Variants in LMBRD1 observed in about 807,000 individuals in gnomAD.
LMBRD1 encodes LMBR1 domain containing 1.
A neutral mutation model predicts 74.8 loss-of-function variants in LMBRD1; 64 were observed. The observed-to-expected ratio is 0.86, with a 90% CI of 0.70 to 1.05. The LOEUF is 1.05. Among genes scored for constraint, LMBRD1 ranks in the 50% least tolerant of loss-of-function variants. The pLI is 0.00. For missense variants in LMBRD1, 652 were observed against 645.9 expected (o/e 1.01, Z -0.10); for synonymous variants, 204 against 216.3 (o/e 0.94, Z 0.50).
Position 69,699,193 on chromosome 6 carries a change from C to T in LMBRD1, c.1189-1G>A, listed in dbSNP as rs2149843526. On this transcript the variant is annotated splice_acceptor_variant, in intron 12 of 15. Transcript: ENST00000649934. LOFTEE classifies it high-confidence loss of function. Reference sequence around the variant, plus strand: ...TTCTACCTCTTCTGATTTTATATAACTGGAAAGAAAAGAGTGACAAAATTT... The same window carrying T: ...TTCTACCTCTTCTGATTTTATATAATTGGAAAGAAAAGAGTGACAAAATTT... 4 of 1,610,574 alleles carry T rather than the reference C, an allele frequency of 2.5e-6. No homozygotes were observed. The South Asian group carries it at 3.3e-5, about 13-fold the overall frequency.
At position 69,685,692 on chromosome 6, in the gene LMBRD1, T is replaced by C. The variant is rs147057389; in HGVS notation, c.1418-9151A>G. ...GGCACGTGCCTGTAATCCCAGCTACTCAGGAGGCTGAGGCAGGAGAATTGT... is the reference window on the plus strand; with the variant it reads ...GGCACGTGCCTGTAATCCCAGCTACCCAGGAGGCTGAGGCAGGAGAATTGT... On this transcript the variant is annotated intron_variant, in intron 14 of 15. Transcript: ENST00000649934. Among the ~76,000 whole-genome samples, 724 of 152,192 alleles carry C rather than the reference T, an allele frequency of 4.8e-3. 8 individuals carry two copies. The highest frequency in any genetic ancestry group is 0.017 in the Middle Eastern group (5 of 294).
intron 5 of LMBRD1, among the ~76,000 whole-genome samples, chr6:69,747,468 T>G (rs1360174971): frequency 6.6e-6 from 1 of 152,244 alleles, no homozygotes; most frequent in East Asian, 1.9e-4. Context: ...CCAAAGCAGA[T>G]GAAAACATTA....
At chr6:69,796,288 AC>A (rs11368293) in intron 1 of LMBRD1, among the ~76,000 whole-genome samples, 2,398 of 152,250 alleles carry the variant, frequency 0.016, 48 homozygotes, top group African/African-American at 0.054. Context: ...AGAACGAGCA[AC>A]TCACGTCATC....
chr6:69,727,969 T>C (rs1438529595), intron 7 of LMBRD1, among the ~76,000 whole-genome samples: 6 of 152,190 alleles, frequency 3.9e-5, no homozygotes, highest in African/African-American at 1.4e-4. Context: ...TTACCAATTC[T>C]CATTACTCAT....
In LMBRD1 at chr6:69,704,343, T is replaced by C. The variant is rs150821909; in HGVS notation, c.916-2390A>G. On this transcript the variant is annotated intron_variant, in intron 9 of 15. Transcript: ENST00000649934. The stretch of plus-strand genomic sequence containing the variant: ...GGTTTTCTAATTGCTTCTATATTTA[T>C]TTGTTGGAATTCTACTGTAGGGAAG... Among the ~76,000 whole-genome samples, 14 of 152,234 alleles carry C rather than the reference T, an allele frequency of 9.2e-5. No homozygotes were observed. The East Asian group carries it at 2.7e-3, about 29-fold the overall frequency.
Position 69,794,693 on chromosome 6 carries a change from C to T in LMBRD1, c.69+2120G>A, listed in dbSNP as rs180846463. Among the ~76,000 whole-genome samples the T allele has an allele frequency of 6.2e-4, 94 of 152,346 alleles. 1 individual carries two copies. Among genetic ancestry groups the T allele is most frequent in the Admixed American group, 5.6e-3 (86 of 15,300 alleles). The stretch of plus-strand genomic sequence containing the variant: ...ACATCCACAAGTATGAGCTTGACAA[C>T]TCTTCAATACTTAGAATTTTCAGAG... On this transcript the variant is annotated intron_variant, in intron 1 of 15. Transcript: ENST00000649934.
chr6:69,738,338 A>G (rs964307717), intron 6 of LMBRD1, among the ~76,000 whole-genome samples: 2 of 152,192 alleles, frequency 1.3e-5, no homozygotes, highest in Admixed American at 1.3e-4. Flanking sequence ...GTGATTAAAA[A>G]GATCACATGG....
At chr6:69,682,077 A>C (rs1286003337) in intron 14 of LMBRD1, among the ~76,000 whole-genome samples, 2 of 151,916 alleles carry the variant, frequency 1.3e-5, no homozygotes, top group Non-Finnish European at 2.9e-5. Context: ...GTCAGATGGA[A>C]TACATACACG....
At chr6:69,723,223 G>A (rs1306069152) in intron 7 of LMBRD1, among the ~76,000 whole-genome samples, 2 of 152,042 alleles carry the variant, frequency 1.3e-5, no homozygotes, top group African/African-American at 4.8e-5. Flanking sequence ...ATTAACAATG[G>A]AGACTTCAAC....
At chr6:69,695,280 T>C (rs1765971052) in intron 14 of LMBRD1, among the ~76,000 whole-genome samples, 1 of 151,998 alleles carries the variant, frequency 6.6e-6, no homozygotes. Context: ...ACTCCGCACA[T>C]CTTCTTCATG....
intron 6 of LMBRD1, among the ~76,000 whole-genome samples, chr6:69,739,829 C>T (rs1189219452): frequency 6.6e-6 from 1 of 151,956 alleles, no homozygotes; most frequent in Non-Finnish European, 1.5e-5. Context: ...TTATATAGGC[C>T]GGGTGCAGTG....
At chr6:69,727,831 C>G (rs1047503700) in intron 7 of LMBRD1, among the ~76,000 whole-genome samples, 4 of 152,054 alleles carry the variant, frequency 2.6e-5, no homozygotes, top group African/African-American at 9.7e-5. Context: ...TAGGATTTTC[C>G]TATCCTTATT....
At chr6:69,750,107 T>C (rs1206069870) in intron 4 of LMBRD1, among the ~76,000 whole-genome samples, 1 of 146,260 alleles carries the variant, frequency 6.8e-6, no homozygotes, top group African/African-American at 2.5e-5. Flanking sequence ...TATATACATA[T>C]ATAAGTATAT....
intron 9 of LMBRD1, among the ~76,000 whole-genome samples, chr6:69,703,257 T>C (rs1766173224): frequency 6.6e-6 from 1 of 152,024 alleles, no homozygotes; most frequent in East Asian, 1.9e-4. Flanking sequence ...CAGGCATCTA[T>C]ATTTGGTACT....
intron 8 of LMBRD1, among the ~76,000 whole-genome samples, chr6:69,714,155 T>C (rs1278753563): frequency 6.6e-6 from 1 of 152,030 alleles, no homozygotes; most frequent in Non-Finnish European, 1.5e-5. Flanking sequence ...AAACTCACTG[T>C]ATCACTTATT....
chr6:69,724,306 T>C (rs559461682), intron 7 of LMBRD1, among the ~76,000 whole-genome samples: 114 of 147,098 alleles, frequency 7.7e-4, no homozygotes, highest in African/African-American at 2.7e-3. Context: ...ATAGTTCTAG[T>C]TTCATTCTAT....
At position 69,675,953 on chromosome 6, in the gene LMBRD1, T is replaced by G. The variant is rs1765534819; in HGVS notation, c.*205A>C. ...CCTCACAAAGCCAGTAGTCTTATATTTACATAGCATGATTATGGTAATTTA... is the reference window on the plus strand; with the variant it reads ...CCTCACAAAGCCAGTAGTCTTATATGTACATAGCATGATTATGGTAATTTA... On this transcript the variant is annotated 3_prime_UTR_variant, in exon 16 of 16. Transcript: ENST00000649934. 2 of 555,620 alleles carry G rather than the reference T, an allele frequency of 3.6e-6. No individual in the cohort carries two copies. Among genetic ancestry groups the G allele is most frequent in the African/African-American group, 3.8e-5 (2 of 52,896 alleles). The allele number at this position is 555,620 out of a possible 1,614,324, so 34.4% of individuals were successfully genotyped here. A position where few individuals can be genotyped will look rare whatever the true frequency, so the allele number is the denominator to read the frequency against.
chr6:69,725,721 T>A (rs1272973176), intron 7 of LMBRD1, among the ~76,000 whole-genome samples: 1 of 152,104 alleles, frequency 6.6e-6, no homozygotes, highest in Non-Finnish European at 1.5e-5. Flanking sequence ...TCTTGCCACA[T>A]ACAAAAATCA....
chr6:69,683,942 C>A (rs917769742), intron 14 of LMBRD1, among the ~76,000 whole-genome samples: 1 of 152,028 alleles, frequency 6.6e-6, no homozygotes, highest in East Asian at 1.9e-4. Context: ...GTCCCAGATG[C>A]ATGCACAGAG....
Sources: gnomAD v4.1 joint callset for allele counts (sites outside exome capture counted in the v4.1 genomes callset) on GRCh38, gnomAD v4.1.1 for gene constraint, MANE v1.5 for transcripts, NCBI Gene and HGNC (gene_info 2026-07-23, HGNC 2026-07-21) for gene names.